Variants in KIF27 observed in about 807,000 individuals in gnomAD.
The protein encoded by KIF27 is kinesin family member 27.
KIF27 carries 84 observed loss-of-function variants against 141.8 expected under a neutral mutation model. That is an observed-to-expected ratio of 0.59 (90% CI 0.50 to 0.71). The LOEUF is 0.71. Among genes scored for constraint, KIF27 ranks in the 30% least tolerant of loss-of-function variants. The probability of loss-of-function intolerance (pLI) is 0.00; values close to 1 mark genes in which losing one functional copy is unlikely to be tolerated. For synonymous variants in KIF27, 471 were observed against 569.5 expected (o/e 0.83, Z 2.46); for missense variants, 1,306 against 1,628.4 (o/e 0.80, Z 3.41).
At chr9:83,916,713 G>C (rs1341306516) in intron 1 of KIF27, among the ~76,000 whole-genome samples, 1 of 148,342 alleles carries the variant, frequency 6.7e-6, no homozygotes, top group African/African-American at 2.5e-5. Context: ...GCTCAGGCTG[G>C]AGTGCAGTGG....
At chr9:83,858,873 C>T in intron 14 of KIF27, 1 of 407,706 alleles carries the variant, frequency 2.5e-6, no homozygotes, top group Non-Finnish European at 4.5e-6. Context: ...GACGAGAAAC[C>T]CCAGCTGAGG....
intron 13 of KIF27, among the ~76,000 whole-genome samples, chr9:83,866,953 C>A (rs1018379753): frequency 6.7e-6 from 1 of 149,114 alleles, no homozygotes; most frequent in African/African-American, 2.5e-5. Context: ...TATTCACCCC[C>A]CCCCCAAAAA....
rs147738944 is a variant in KIF27, at chr9:83,909,482, C to T, written c.299-830G>A. ...AAAATTAGCTAGCTAGGTGTGGTGGCCCATGCCTGTAATCCCAAATATTTG... is the reference window on the plus strand; with the variant it reads ...AAAATTAGCTAGCTAGGTGTGGTGGTCCATGCCTGTAATCCCAAATATTTG... On this transcript the variant is annotated intron_variant, in intron 2 of 17. Coordinates refer to ENST00000297814, the MANE Select transcript of KIF27 (RefSeq NM_017576.4). Among the ~76,000 whole-genome samples the T allele has an allele frequency of 1.7e-3, 258 of 152,090 alleles. 1 individual carries two copies. Among genetic ancestry groups the T allele is most frequent in the African/African-American group, 5.8e-3 (240 of 41,490 alleles).
intron 16 of KIF27, among the ~76,000 whole-genome samples, chr9:83,845,603 A>G (rs1380925478): frequency 6.6e-6 from 1 of 152,206 alleles, no homozygotes; most frequent in Non-Finnish European, 1.5e-5. Flanking sequence ...CTGAAAGTGG[A>G]CAGCTGTGGC....
intron 13 of KIF27, among the ~76,000 whole-genome samples, chr9:83,865,130 G>T (rs1451333978): frequency 6.6e-6 from 1 of 151,990 alleles, no homozygotes; most frequent in Non-Finnish European, 1.5e-5. Context: ...TTTATATGAT[G>T]TCTTTGATAC....
chr9:83,839,218 A>T (rs895214213), intron 17 of KIF27, among the ~76,000 whole-genome samples: 10 of 152,102 alleles, frequency 6.6e-5, no homozygotes, highest in African/African-American at 9.7e-5. Context: ...GGAGTAAGGC[A>T]TCTTATTTTC....
At chr9:83,899,143 G>A (rs1172946329) in intron 5 of KIF27, among the ~76,000 whole-genome samples, 1 of 152,078 alleles carries the variant, frequency 6.6e-6, no homozygotes, top group East Asian at 1.9e-4. Flanking sequence ...TTGGGGTGAT[G>A]GGAGAAGCCA....
intron 10 of KIF27, among the ~76,000 whole-genome samples, chr9:83,882,634 T>C (rs1276757199): frequency 6.6e-6 from 1 of 152,216 alleles, no homozygotes; most frequent in African/African-American, 2.4e-5. Context: ...TCTAAAACTA[T>C]GTCTTCTTTC....
rs1173117158 is a variant in KIF27, at chr9:83,848,127, TATCTC to T, written c.3556+1967_3556+1971del. Among the ~76,000 whole-genome samples, 56 of 56,248 alleles carry T rather than the reference TATCTC, an allele frequency of 1.0e-3. 15 individuals are homozygous for T. The highest frequency in any genetic ancestry group is 1.3e-3 in the Admixed American group (9 of 6,830). 36.9% of individuals were successfully genotyped at this position (56,248 alleles called of 152,430 possible). A position where few individuals can be genotyped will look rare whatever the true frequency, so the allele number is the denominator to read the frequency against. On this transcript the variant is annotated intron_variant, in intron 16 of 17. Transcript: ENST00000297814. ...GATATCTCATATCTGATATATCTGA[TATCTC>T]ATATATGATATATCTGATATATCAT...
intron 14 of KIF27, 57 bp from the exon 15 acceptor site, chr9:83,853,892 A>G: frequency 3.3e-6 from 4 of 1,225,640 alleles, no homozygotes; most frequent in Non-Finnish European, 4.8e-6. Context: ...TGACTTTGTC[A>G]TATACTCAGA....
intron 4 of KIF27, 34 bp downstream of exon 4, chr9:83,903,022 AAAAT>A (rs762654973): frequency 1.8e-4 from 235 of 1,280,068 alleles, no homozygotes; most frequent in Admixed American, 2.8e-4. Flanking sequence ...ATGTATCAAT[AAAAT>A]AAATAAATAA....
At chr9:83,909,425 C>T (rs1026733894) in intron 2 of KIF27, among the ~76,000 whole-genome samples, 3 of 152,046 alleles carry the variant, frequency 2.0e-5, no homozygotes, top group African/African-American at 7.2e-5. Context: ...GCTTGGGAAA[C>T]ATGGTGAAAC....
At chr9:83,891,617 T>C in intron 5 of KIF27, 116 bp from the exon 6 acceptor site, 1 of 969,226 alleles carries the variant, frequency 1.0e-6, no homozygotes, top group Non-Finnish European at 1.5e-6. Context: ...ATACAGTCAA[T>C]TCTCATTTAT....
Position 83,903,425 on chromosome 9 carries a change from A to G in KIF27, c.1093T>C (p.Leu365=), listed in dbSNP as rs751220888. ...TGGCTTTGCAAAGCTTCTCGAAGCAATTTAATCTCAAATTCCATTTCATCT... is the reference window on the plus strand; with the variant it reads ...TGGCTTTGCAAAGCTTCTCGAAGCAGTTTAATCTCAAATTCCATTTCATCT... The part of the protein sequence containing the change: ...RIDEMEFEIK[L]LREALQSQQA... Residue 365 remains leucine, a synonymous_variant, in exon 4 of 18, where the codon TTG becomes CTG. Transcript: ENST00000297814. 2 of 1,614,062 alleles carry G rather than the reference A, an allele frequency of 1.2e-6. No homozygotes were observed. The highest frequency in any genetic ancestry group is 2.2e-5 in the South Asian group (2 of 91,082).
At chr9:83,920,278 A>G (rs1956126734) in intron 1 of KIF27, among the ~76,000 whole-genome samples, 1 of 152,224 alleles carries the variant, frequency 6.6e-6, no homozygotes, top group African/African-American at 2.4e-5. Context: ...TAAAACATCA[A>G]TATACAAGAA....
chr9:83,842,507 G>A, intron 16 of KIF27, 106 bp from the exon 17 acceptor site: 1 of 1,369,018 alleles, frequency 7.3e-7, no homozygotes, highest in Non-Finnish European at 9.5e-7. Context: ...CTGTCGCCCA[G>A]GCTAGAGTGC....
At position 83,835,594 on chromosome 9, in the gene KIF27, G is replaced by A. The variant is rs1945739369; in HGVS notation, c.*1407C>T. 1.3e-5 allele frequency: 2 copies of A among 152,018 alleles called. No individual in the cohort carries two copies. The highest frequency in any genetic ancestry group is 2.9e-5 in the Non-Finnish European group (2 of 68,002). The allele number at this position is 152,018 out of a possible 1,614,324, so 9.4% of individuals were successfully genotyped here. A position where few individuals can be genotyped will look rare whatever the true frequency, so the allele number is the denominator to read the frequency against. On this transcript the variant is annotated 3_prime_UTR_variant, in exon 18 of 18. Coordinates refer to ENST00000297814, the MANE Select transcript of KIF27 (RefSeq NM_017576.4). Reference sequence around the variant, plus strand: ...GAGACCAAGAAACTCTACTCCCTAGGGGCTAGCAATGAGAGAAAGGAAGCC... The same window carrying A: ...GAGACCAAGAAACTCTACTCCCTAGAGGCTAGCAATGAGAGAAAGGAAGCC...
chr9:83,906,461 C>A (rs1954544353), intron 3 of KIF27, among the ~76,000 whole-genome samples: 1 of 152,110 alleles, frequency 6.6e-6, no homozygotes, highest in African/African-American at 2.4e-5. Flanking sequence ...CAAGAATAGG[C>A]CAGGCATGGT....
At chr9:83,848,258 TATATGATATATCAGATATGATATATATG>T (rs1947919841) in intron 16 of KIF27, among the ~76,000 whole-genome samples, 2 of 110,532 alleles carry the variant, frequency 1.8e-5, no homozygotes. Context: ...AGATATGATA[TATATGATATATCAGATATGATATATATG>T]ATATATCAGA....
Sources: gnomAD v4.1 joint callset for allele counts (sites outside exome capture counted in the v4.1 genomes callset) on GRCh38, gnomAD v4.1.1 for gene constraint, MANE v1.5 for transcripts, NCBI Gene and HGNC (gene_info 2026-07-23, HGNC 2026-07-21) for gene names.